The following KNDC1 variants were observed in gnomAD, a reference collection of about 807,000 sequenced individuals.
KNDC1 encodes kinase non-catalytic C-lobe domain-containing protein 1.
KNDC1 carries 106 observed loss-of-function variants against 172.8 expected under a neutral mutation model. That is an observed-to-expected ratio of 0.61 (90% confidence interval 0.52 to 0.72). KNDC1 has a LOEUF of 0.72. Among genes scored for constraint, KNDC1 ranks in the 30% least tolerant of loss-of-function variants. The probability of loss-of-function intolerance (pLI) is 0.00; values close to 1 mark genes in which losing one functional copy is unlikely to be tolerated. For synonymous variants in KNDC1, 1,083 were observed against 1,062.2 expected, an observed-to-expected ratio of 1.02 and a Z score of -0.38; for missense variants, 2,325 against 2,394.5, an observed-to-expected ratio of 0.97 and a Z score of 0.61.
chr10:133,202,360 G>C (rs896230269), intron 17 of KNDC1: 1 of 453,534 alleles, frequency 2.2e-6, no homozygotes, highest in Admixed American at 2.4e-5. Context: ...TTTCTGGCCA[G>C]CAGTGCCATC....
At chr10:133,219,921 C>G (rs1589777684) in intron 28 of KNDC1, 34 bp from the exon 29 acceptor site, 2 of 1,539,824 alleles carry the variant, frequency 1.3e-6, no homozygotes, top group Middle Eastern at 1.7e-4. Context: ...CACGCCCTGT[C>G]TCTCCCCGGC....
rs11597199 is a variant in KNDC1, at chr10:133,224,477, C to T, written c.5019-182C>T. 0.34 allele frequency among the ~76,000 whole-genome samples: 51,049 copies of T among 151,970 alleles called. 9,752 individuals carry two copies. Among genetic ancestry groups the T allele is most frequent in the Middle Eastern group, 0.48 (141 of 294 alleles). On this transcript the variant is annotated intron_variant, in intron 29 of 29. Transcript: ENST00000304613. This position sits in a 1 kb window ranked among gnomAD's most constrained non-coding sequence, Gnocchi z 5.4. ...GTGGATGGATGGACAGTCAGACAGACGGAAAGGTCTGAGTAGTGACCTTTC... is the reference window on the plus strand; with the variant it reads ...GTGGATGGATGGACAGTCAGACAGATGGAAAGGTCTGAGTAGTGACCTTTC...
chr10:133,210,553 G>C (rs1038977912), intron 20 of KNDC1, 58 bp from the exon 21 acceptor site: 1 of 1,018,866 alleles, frequency 9.8e-7, no homozygotes, highest in Non-Finnish European at 1.6e-6. Context: ...CCGAACACTA[G>C]CCGAGCCCTG....
intron 29 of KNDC1, among the ~76,000 whole-genome samples, chr10:133,221,227 G>C (rs1290091466): frequency 1.3e-5 from 2 of 152,080 alleles, no homozygotes; most frequent in Non-Finnish European, 2.9e-5. Context: ...AGACATCCAG[G>C]TGGGACCCAG....
intron 2 of KNDC1, 85 bp from the exon 3 acceptor site, chr10:133,168,169 C>G: frequency 2.4e-6 from 3 of 1,253,916 alleles, no homozygotes; most frequent in African/African-American, 1.5e-5. Context: ...TGGGGCCGCT[C>G]CCTCTCCAGG....
chr10:133,166,509 A>AGTATGTGTGTGAGTGTGAG (rs1208578022), intron 1 of KNDC1, among the ~76,000 whole-genome samples: 3 of 151,914 alleles, frequency 2.0e-5, no homozygotes, highest in Non-Finnish European at 4.4e-5. Context: ...GGTGGCATGT[A>AGTATGTGTGTGAGTGTGAG]GTATGTGTGT....
intron 3 of KNDC1, among the ~76,000 whole-genome samples, chr10:133,180,185 C>G (rs61139908): frequency 0.057 from 8,754 of 152,340 alleles, 808 homozygotes; most frequent in African/African-American, 0.19. Context: ...CTCCATGTAT[C>G]GCTGTCTCCT....
Position 133,200,473 on chromosome 10 carries a change from C to A in KNDC1, c.2989+13C>A. The A allele has an allele frequency of 6.6e-7, 1 of 1,517,956 alleles. No homozygotes were observed. The allele number at this position is 1,517,956 out of a possible 1,614,324, so 94.0% of individuals were successfully genotyped here. On this transcript the variant is annotated intron_variant, in intron 16 of 29. Coordinates refer to ENST00000304613, the MANE Select transcript of KNDC1 (RefSeq NM_152643.8). ...CTGCACCGCCTGGGTAAGTGCTGGG[C>A]GGGCCCCGCGGCAGGAGCTCTGCTG...
chr10:133,172,138 G>C (rs1853395954), intron 3 of KNDC1, among the ~76,000 whole-genome samples: 1 of 152,168 alleles, frequency 6.6e-6, no homozygotes, highest in South Asian at 2.1e-4. Context: ...AACAGAAGCA[G>C]TGTGAGGCTG....
At chr10:133,166,280 G>A (rs1337367519) in intron 1 of KNDC1, among the ~76,000 whole-genome samples, 5 of 152,212 alleles carry the variant, frequency 3.3e-5, no homozygotes, top group Non-Finnish European at 7.4e-5. Flanking sequence ...ATAGTGTCCA[G>A]GCTGCAGCCC....
chr10:133,214,914 GGTCCACAGCTTCTCAGGAGGCCAGA>G (rs1244389846), intron 26 of KNDC1, among the ~76,000 whole-genome samples: 2 of 152,188 alleles, frequency 1.3e-5, no homozygotes, highest in African/African-American at 4.8e-5. Context: ...GAGGCATCAG[GGTCCACAGCTTCTCAGGAGGCCAGA>G]GTCCCCCAGC....
chr10:133,188,255 C>T (rs1199273214), intron 6 of KNDC1, among the ~76,000 whole-genome samples: 1 of 152,180 alleles, frequency 6.6e-6, no homozygotes, highest in African/African-American at 2.4e-5. Flanking sequence ...CTGCTGTCAC[C>T]TGGGAGGTGT....
chr10:133,198,777 G>T lies in KNDC1; in HGVS notation c.2269G>T (p.Gly757Cys). The T allele has an allele frequency of 6.3e-7, 1 of 1,586,698 alleles. No homozygotes were observed. The change falls in exon 14 of 30, where the codon GGC becomes TGC. Residue 757 changes from glycine (G) to cysteine (C), a missense_variant. Physicochemically the swap from Gly to Cys is radical, Grantham distance 159. Coordinates refer to ENST00000304613, the MANE Select transcript of KNDC1 (RefSeq NM_152643.8). ...GASVQRDSAQ[G>C]RPCPPPQAPA... Reference sequence around the variant, plus strand: ...GTCAGTGCAGCGTGACTCAGCCCAGGGCCGCCCCTGCCCTCCACCCCAGGC... The same window carrying T: ...GTCAGTGCAGCGTGACTCAGCCCAGTGCCGCCCCTGCCCTCCACCCCAGGC...
At chr10:133,171,807 G>A (rs1019967607) in intron 3 of KNDC1, among the ~76,000 whole-genome samples, 1 of 150,866 alleles carries the variant, frequency 6.6e-6, no homozygotes, top group Non-Finnish European at 1.5e-5. Flanking sequence ...GTAGAGGCAG[G>A]GTATTGTTAG....
At position 133,211,708 on chromosome 10, in the gene KNDC1, C is replaced by G. The variant is rs1283579869; in HGVS notation, c.4086C>G (p.His1362Gln). Residue 1362 changes from histidine (H) to glutamine (Q), a missense_variant, in exon 23 of 30, where the codon CAC becomes CAG. His to Gln is a conservative substitution (Grantham distance 24, BLOSUM62 0). Coordinates refer to ENST00000304613, the MANE Select transcript of KNDC1 (RefSeq NM_152643.8). Reference sequence around the variant, plus strand: ...TACCCCTGGACGGCTCTGCCAAGCACCTGCTGGGCCTCCTGGAGGTGGGCA... The same window carrying G: ...TACCCCTGGACGGCTCTGCCAAGCAGCTGCTGGGCCTCCTGGAGGTGGGCA... ...KILPLDGSAKHLLGLLEVGMD... is the reference protein window; with the variant it reads ...KILPLDGSAKQLLGLLEVGMD... 7 of 1,605,132 alleles carry G rather than the reference C, an allele frequency of 4.4e-6. No homozygotes were observed. The highest frequency in any genetic ancestry group is 6.0e-6 in the Non-Finnish European group (7 of 1,175,782).
rs769855562 is a variant in KNDC1, at chr10:133,211,446, C to T, written c.3933C>T (p.Thr1311=). 6.2e-7 allele frequency: 1 copy of T among 1,613,740 alleles called. No homozygotes were observed. The highest frequency in any genetic ancestry group is 2.2e-5 in the East Asian group (1 of 44,886). ...LTRAHQDPTS[T]FTKIYRRSLC... The stretch of plus-strand genomic sequence containing the variant: ...GGGCCCACCAGGACCCCACCTCGAC[C>T]TTCACCAAGATCTACAGGCGGAGCC... Residue 1311 remains threonine, a synonymous_variant, in exon 22 of 30, where the codon ACC becomes ACT. Coordinates refer to ENST00000304613, the MANE Select transcript of KNDC1 (RefSeq NM_152643.8).
chr10:133,207,539 T>C (rs1845239197), intron 20 of KNDC1, among the ~76,000 whole-genome samples, 188 bp downstream of exon 20: 1 of 152,186 alleles, frequency 6.6e-6, no homozygotes. Context: ...CTGGCCAGAG[T>C]GGCCTCCGCC....
chr10:133,175,852 G>A (rs1333011619), intron 3 of KNDC1, among the ~76,000 whole-genome samples: 3 of 151,624 alleles, frequency 2.0e-5, no homozygotes, highest in African/African-American at 7.3e-5. Flanking sequence ...GTGAGTGGAC[G>A]TGTGGATGGG....
chr10:133,202,221 T>C (rs1422756763), intron 17 of KNDC1: 5 of 627,616 alleles, frequency 8.0e-6, no homozygotes, highest in Non-Finnish European at 1.5e-5. Flanking sequence ...TTGCGTTCGG[T>C]CGTGTTTTCC....
Sources: allele counts gnomAD v4.1 joint callset (sites outside exome capture counted in the v4.1 genomes callset), GRCh38; gene constraint gnomAD v4.1.1; non-coding constraint Gnocchi (gnomAD v3.1); transcripts MANE v1.5; gene names NCBI Gene and HGNC (gene_info 2026-07-23, HGNC 2026-07-21).